Variants in CSRNP3 observed in about 807,000 individuals in gnomAD.
The protein encoded by CSRNP3 is cysteine/serine-rich nuclear protein 3.
Under a neutral mutation model 48.0 loss-of-function variants are expected in CSRNP3, and 12 were observed. That is an observed-to-expected ratio of 0.25 (90% CI 0.16 to 0.41). The LOEUF (loss-of-function observed/expected upper bound fraction) is 0.41. CSRNP3 is among the 10% of genes least tolerant of loss of function. The pLI is 1.00. For missense variants in CSRNP3, 580 were observed against 724.4 expected (o/e 0.80, Z 2.29); for synonymous variants, 263 against 269.7 (o/e 0.98, Z 0.24).
At chr2:165,501,686 C>T (rs538013824) in intron 2 of CSRNP3, among the ~76,000 whole-genome samples, 1 of 152,162 alleles carries the variant, frequency 6.6e-6, no homozygotes, top group East Asian at 1.9e-4. Context: ...ATGTTCATGA[C>T]TTTTTACTAA....
At chr2:165,669,517 G>T (rs1247587416) in intron 5 of CSRNP3, among the ~76,000 whole-genome samples, 1 of 152,080 alleles carries the variant, frequency 6.6e-6, no homozygotes. Context: ...CCTATATTTG[G>T]CTCAAAGCTG....
intron 4 of CSRNP3, among the ~76,000 whole-genome samples, chr2:165,622,791 C>T (rs564426940): frequency 6.6e-6 from 1 of 152,312 alleles, no homozygotes; most frequent in East Asian, 1.9e-4. Context: ...TCCCACTTAA[C>T]TGCAAGGAAG....
At chr2:165,602,471 T>C (rs1481461327) in intron 4 of CSRNP3, among the ~76,000 whole-genome samples, 1 of 152,210 alleles carries the variant, frequency 6.6e-6, no homozygotes, top group Non-Finnish European at 1.5e-5. Context: ...AAATAGGTCA[T>C]GTTCAGACAT....
chr2:165,631,064 A>G (rs1409159424), intron 4 of CSRNP3, among the ~76,000 whole-genome samples: 1 of 152,188 alleles, frequency 6.6e-6, no homozygotes, highest in Non-Finnish European at 1.5e-5. Context: ...CTTAATCATA[A>G]TTGCCTTATT....
intron 4 of CSRNP3, among the ~76,000 whole-genome samples, chr2:165,609,119 A>T (rs1305516280): frequency 6.9e-6 from 1 of 144,200 alleles, no homozygotes; most frequent in Non-Finnish European, 1.5e-5. Context: ...GAAAAAAAAA[A>T]AGTAGTGTCT....
intron 1 of CSRNP3, among the ~76,000 whole-genome samples, chr2:165,485,607 T>C (rs1684101880): frequency 6.6e-6 from 1 of 152,196 alleles, no homozygotes; most frequent in Admixed American, 6.5e-5. Context: ...CTATAGTCCC[T>C]ATTGTAGCAG....
chr2:165,665,775 AAGAGAGAGAGAGAGAG>A (rs10645178), intron 5 of CSRNP3, among the ~76,000 whole-genome samples: 3 of 131,196 alleles, frequency 2.3e-5, no homozygotes, highest in East Asian at 2.2e-4. Context: ...AAAAGAAAGA[AAGAGAGAGAGAGAGAG>A]AGAGAGAGAG....
chr2:165,659,785 G>T (rs1573951122), intron 5 of CSRNP3, among the ~76,000 whole-genome samples: 1 of 152,140 alleles, frequency 6.6e-6, no homozygotes, highest in African/African-American at 2.4e-5. Flanking sequence ...AGCACAGCTG[G>T]GTTAGCATTA....
In CSRNP3 at chr2:165,615,957, CTGGG is replaced by C. The variant is rs1411583774; in HGVS notation, c.148+20745_148+20748del. Among the ~76,000 whole-genome samples the C allele has an allele frequency of 2.0e-5, 3 of 147,058 alleles. No homozygotes were observed. The South Asian group carries it at 6.5e-4, about 32-fold the overall frequency. On this transcript the variant is annotated intron_variant, in intron 4 of 6. Transcript: ENST00000651982. ...TGTTGCCCATGCTGGTCTTGAACTC[CTGGG>C]CTCAAGTGATCCTCCTGCCTCAGCC... is the stretch of plus-strand genomic sequence containing the variant.
intron 4 of CSRNP3, among the ~76,000 whole-genome samples, chr2:165,655,456 C>T (rs888635435): frequency 7.2e-5 from 11 of 152,118 alleles, no homozygotes; most frequent in South Asian, 2.1e-4. Context: ...TAAAGTTCCC[C>T]GCATAGTACA....
At chr2:165,625,932 G>GA (rs1175491007) in intron 4 of CSRNP3, among the ~76,000 whole-genome samples, 2 of 140,584 alleles carry the variant, frequency 1.4e-5, no homozygotes, top group African/African-American at 2.6e-5. Context: ...AAAAAGAAAA[G>GA]AAAAAAATGA....
chr2:165,612,934 A>G (rs1686164086), intron 4 of CSRNP3, among the ~76,000 whole-genome samples: 1 of 152,106 alleles, frequency 6.6e-6, no homozygotes, highest in African/African-American at 2.4e-5. Context: ...ATAAATATCC[A>G]TTAGTGGGAT....
chr2:165,485,699 C>A (rs1173019589), intron 1 of CSRNP3, among the ~76,000 whole-genome samples: 1 of 152,146 alleles, frequency 6.6e-6, no homozygotes, highest in African/African-American at 2.4e-5. Context: ...AAGTCCATGC[C>A]TCCATCTTCC....
chr2:165,639,159 G>A (rs1478295519), intron 4 of CSRNP3, among the ~76,000 whole-genome samples: 1 of 152,124 alleles, frequency 6.6e-6, no homozygotes, highest in East Asian at 1.9e-4. Context: ...CTTGCATTTA[G>A]GAATAGTAGA....
intron 1 of CSRNP3, among the ~76,000 whole-genome samples, chr2:165,489,156 A>C (rs1684165437): frequency 1.3e-5 from 2 of 151,048 alleles, no homozygotes; most frequent in African/African-American, 4.9e-5. Flanking sequence ...CCATCAGAGA[A>C]TACTACAAAC....
intron 3 of CSRNP3, among the ~76,000 whole-genome samples, chr2:165,592,803 T>TTC (rs1491252105): frequency 7.4e-6 from 1 of 134,902 alleles, no homozygotes; most frequent in Non-Finnish European, 1.6e-5. Context: ...CCTCTTTTCA[T>TTC]TTTTTTTTTT....
At position 165,684,748 on chromosome 2, in the gene CSRNP3, G is replaced by A. The variant is rs1346374818; in HGVS notation, c.*4995G>A. 6.6e-6 allele frequency: 1 copy of A among 151,954 alleles called. No homozygotes were observed. The highest frequency in any genetic ancestry group is 1.9e-4 in the East Asian group (1 of 5,180). The allele number at this position is 151,954 out of a possible 1,614,324, so 9.4% of individuals were successfully genotyped here. On this transcript the variant is annotated 3_prime_UTR_variant, in exon 7 of 7. Coordinates refer to ENST00000651982, the MANE Select transcript of CSRNP3 (RefSeq NM_001172173.2). ...ATTTGATTGACTTAATTGAATATCAGCAATTTTAATACCCACTAGAATTAT... is the reference window on the plus strand; with the variant it reads ...ATTTGATTGACTTAATTGAATATCAACAATTTTAATACCCACTAGAATTAT...
At chr2:165,607,026 A>G (rs1686040400) in intron 4 of CSRNP3, among the ~76,000 whole-genome samples, 1 of 152,138 alleles carries the variant, frequency 6.6e-6, no homozygotes, top group East Asian at 1.9e-4. Flanking sequence ...GTCCATAAAT[A>G]TGAGTATTAA....
At chr2:165,627,196 T>C (rs1157269232) in intron 4 of CSRNP3, among the ~76,000 whole-genome samples, 1 of 152,226 alleles carries the variant, frequency 6.6e-6, no homozygotes, top group South Asian at 2.1e-4. Context: ...CTCCGCTCAA[T>C]ATTCTTCTCC....
Sources: gnomAD v4.1 joint callset for allele counts (sites outside exome capture counted in the v4.1 genomes callset) on GRCh38, gnomAD v4.1.1 for gene constraint, MANE v1.5 for transcripts, NCBI Gene and HGNC (gene_info 2026-07-23, HGNC 2026-07-21) for gene names.